RBFOX1: variants seen among roughly 807,000 people sequenced by gnomAD.
RBFOX1 encodes the protein RNA binding fox-1 homolog 1, also known as RNA binding protein fox-1 homolog 1.
Under a neutral mutation model 57.7 loss-of-function variants are expected in RBFOX1, and 8 were observed. That is an observed-to-expected ratio of 0.14 (90% CI 0.08 to 0.25). RBFOX1 has a LOEUF of 0.25. RBFOX1 is among the 10% of genes least tolerant of loss of function. The pLI is 1.00. For missense variants in RBFOX1, 611 were observed against 548.5 expected (o/e 1.11, Z -1.14); for synonymous variants, 326 against 222.4 (o/e 1.47, Z -4.15).
chr16:5,698,983 A>AT (rs3036442), intron 3 of RBFOX1, among the ~76,000 whole-genome samples: 2,259 of 109,884 alleles, frequency 0.021, 92 homozygotes, highest in African/African-American at 0.074. Context: ...ACCTGGTTGG[A>AT]TTTTTTTTTT....
At chr16:7,169,346 C>T (rs189379061) in intron 4 of RBFOX1, among the ~76,000 whole-genome samples, 1 of 152,170 alleles carries the variant, frequency 6.6e-6, no homozygotes, top group African/African-American at 2.4e-5. Flanking sequence ...AATCTCAGCA[C>T]TATGGGTATA....
At chr16:7,156,444 C>G (rs2077157140) in intron 4 of RBFOX1, among the ~76,000 whole-genome samples, 1 of 151,836 alleles carries the variant, frequency 6.6e-6, no homozygotes, top group Non-Finnish European at 1.5e-5. Flanking sequence ...TGTAGATATG[C>G]ATATATGTGT....
At chr16:6,702,584 C>G (rs987896918) in intron 3 of RBFOX1, among the ~76,000 whole-genome samples, 1 of 151,712 alleles carries the variant, frequency 6.6e-6, no homozygotes, top group Non-Finnish European at 1.5e-5. Context: ...CAAATTATAT[C>G]AACATTCTAT....
chr16:7,160,392 C>G (rs8061968), intron 4 of RBFOX1, among the ~76,000 whole-genome samples: 3 of 151,912 alleles, frequency 2.0e-5, no homozygotes, highest in Non-Finnish European at 4.4e-5. Flanking sequence ...CTCTTCTGTA[C>G]TTTTCATCTT....
intron 3 of RBFOX1, among the ~76,000 whole-genome samples, chr16:6,857,730 T>C (rs377604747): frequency 6.6e-6 from 1 of 152,148 alleles, no homozygotes; most frequent in African/African-American, 2.4e-5. Context: ...CTCCTGTAAA[T>C]TGGGAGAGGC....
At chr16:6,942,531 T>G (rs1214836978) in intron 3 of RBFOX1, among the ~76,000 whole-genome samples, 1 of 151,912 alleles carries the variant, frequency 6.6e-6, no homozygotes, top group Non-Finnish European at 1.5e-5. Context: ...GACTATCAGT[T>G]AGAGCATTTT....
chr16:5,833,566 C>T (rs2056357743), intron 3 of RBFOX1, among the ~76,000 whole-genome samples: 1 of 150,670 alleles, frequency 6.6e-6, no homozygotes, highest in Non-Finnish European at 1.5e-5. Flanking sequence ...CATTTTTGTA[C>T]CTTTCAATTA....
chr16:6,647,707 G>C (rs191857553), intron 2 of RBFOX1, among the ~76,000 whole-genome samples: 5 of 152,250 alleles, frequency 3.3e-5, no homozygotes, highest in Admixed American at 2.0e-4. Flanking sequence ...TGTTGATTCT[G>C]ATTCGATGTA....
intron 2 of RBFOX1, among the ~76,000 whole-genome samples, chr16:6,609,007 C>T (rs748298998): frequency 6.6e-6 from 1 of 152,294 alleles, no homozygotes; most frequent in South Asian, 2.1e-4. Context: ...TCCATCAGGT[C>T]ACTCTGACCT....
In RBFOX1 at chr16:6,630,189, T is replaced by C. The variant is rs182413242; in HGVS notation, c.-63-24414T>C. ...TAATTAAGTAACTCATTGAATGTAT[T>C]ATTCAGTTTTGATTCCCCTGTCTGT... On this transcript the variant is annotated intron_variant, in intron 2 of 15. Coordinates refer to ENST00000550418, the MANE Select transcript of RBFOX1 (RefSeq NM_018723.4). Among the ~76,000 whole-genome samples, 27 of 152,204 alleles carry C rather than the reference T, an allele frequency of 1.8e-4. No homozygotes were observed. The East Asian group carries it at 5.2e-3, about 29-fold the overall frequency.
intron 3 of RBFOX1, among the ~76,000 whole-genome samples, chr16:6,907,210 ATGT>A (rs2070240723): frequency 6.6e-6 from 1 of 152,006 alleles, no homozygotes; most frequent in South Asian, 2.1e-4. Context: ...GGGGCCAGGG[ATGT>A]TGTTAAATAT....
In RBFOX1 at chr16:7,579,812, C is replaced by G; in HGVS notation, c.306C>G (p.Pro102=). Residue 102 remains proline (P), a synonymous_variant, in exon 6 of 16, where the codon CCC becomes CCG. Transcript: ENST00000550418. ...ACGCAGCACCGACGGATGGCCAGCC[C>G]CAGACACAACCTTCTGAAAACACGG... ...TDDAAPTDGQ[P]QTQPSENTEN... 6.2e-7 allele frequency: 1 copy of G among 1,614,094 alleles called. No homozygotes were observed. Among genetic ancestry groups the G allele is most frequent in the Non-Finnish European group, 8.5e-7 (1 of 1,179,988 alleles).
intron 3 of RBFOX1, among the ~76,000 whole-genome samples, chr16:6,885,752 G>A (rs1216186752): frequency 6.6e-6 from 1 of 152,026 alleles, no homozygotes; most frequent in African/African-American, 2.4e-5. Context: ...GGCTGGTCTC[G>A]AACTCATGCC....
chr16:5,947,530 C>G lies in RBFOX1; in HGVS notation c.351+80195C>G, dbSNP rs2059424987. Among the ~76,000 whole-genome samples the G allele has an allele frequency of 6.6e-6, 1 of 152,114 alleles. No individual in the cohort carries two copies. Among genetic ancestry groups the G allele is most frequent in the African/African-American group, 2.4e-5 (1 of 41,420 alleles). Reference sequence around the variant, plus strand: ...AGAGACAGGGGTCTCTGTATGTTGCCTAGGCTGGTGTCAGACTCCTAGCCC... The same window carrying G: ...AGAGACAGGGGTCTCTGTATGTTGCGTAGGCTGGTGTCAGACTCCTAGCCC... On this transcript the variant is annotated intron_variant, in intron 4 of 19. Coordinates refer to the RBFOX1 transcript ENST00000641259. The surrounding 1 kb of genome is among the most constrained non-coding windows in gnomAD (Gnocchi z 7.2).
intron 2 of RBFOX1, among the ~76,000 whole-genome samples, chr16:6,497,936 C>T (rs908704302): frequency 6.6e-6 from 1 of 152,108 alleles, no homozygotes; most frequent in Non-Finnish European, 1.5e-5. Context: ...AAATTAATCA[C>T]TGTTACCCAT....
chr16:6,276,912 C>G (rs2075860717), intron 1 of RBFOX1, among the ~76,000 whole-genome samples: 2 of 151,892 alleles, frequency 1.3e-5, no homozygotes, highest in Non-Finnish European at 1.5e-5. Context: ...ATATTCGGTA[C>G]TTAGATCAGC....
chr16:5,777,242 C>G (rs888723412), intron 3 of RBFOX1, among the ~76,000 whole-genome samples: 4 of 152,202 alleles, frequency 2.6e-5, no homozygotes, highest in African/African-American at 9.6e-5. Flanking sequence ...CACCTACACC[C>G]TTGGATCATG....
chr16:7,206,567 A>G (rs771848843), intron 4 of RBFOX1, among the ~76,000 whole-genome samples: 1 of 152,000 alleles, frequency 6.6e-6, no homozygotes, highest in Non-Finnish European at 1.5e-5. Flanking sequence ...CCCTCTGCCA[A>G]TCATATGGGT....
intron 4 of RBFOX1, among the ~76,000 whole-genome samples, chr16:7,458,819 T>A (rs2059020013): frequency 6.6e-6 from 1 of 152,210 alleles, no homozygotes. Flanking sequence ...CTTTCCTAGC[T>A]GACTTTTGCC....
Sources: allele counts gnomAD v4.1 joint callset (sites outside exome capture counted in the v4.1 genomes callset), GRCh38; gene constraint gnomAD v4.1.1; non-coding constraint Gnocchi (gnomAD v3.1); transcripts MANE v1.5; gene names NCBI Gene and HGNC (gene_info 2026-07-23, HGNC 2026-07-21).